WBP2NL: variants seen among roughly 807,000 people sequenced by gnomAD.
WBP2NL encodes postacrosomal sheath WW domain-binding protein.
WBP2NL carries 27 observed loss-of-function variants against 23.3 expected under a neutral mutation model. The ratio of observed to expected loss-of-function variants is 1.16; its 90% confidence interval spans 0.85 to 1.60. WBP2NL has a LOEUF of 1.60. WBP2NL is among the 40% of genes most tolerant of loss of function. WBP2NL has a pLI of 0.00. For missense variants in WBP2NL, 370 were observed against 389.5 expected (o/e 0.95, Z 0.42); for synonymous variants, 151 against 145.9 (o/e 1.03, Z -0.25).
At chr22:42,016,164 A>G (rs1268380315) in intron 1 of WBP2NL, among the ~76,000 whole-genome samples, 2 of 151,964 alleles carry the variant, frequency 1.3e-5, no homozygotes, top group African/African-American at 4.8e-5. Flanking sequence ...CATTTTTAGT[A>G]GAGACGGGGT....
At chr22:42,002,402 G>T (rs912882322) in intron 1 of WBP2NL, among the ~76,000 whole-genome samples, 3 of 152,068 alleles carry the variant, frequency 2.0e-5, no homozygotes, top group African/African-American at 7.2e-5. Flanking sequence ...GGCCAACATG[G>T]TGAAACCCCT....
intron 1 of WBP2NL, among the ~76,000 whole-genome samples, chr22:41,999,436 C>G (rs746681692): frequency 6.6e-6 from 1 of 152,190 alleles, no homozygotes; most frequent in Admixed American, 6.5e-5. Flanking sequence ...CTTTCTAAAG[C>G]CATGTTTCCT....
intron 1 of WBP2NL, among the ~76,000 whole-genome samples, chr22:42,013,939 G>T (rs984324331): frequency 1.3e-5 from 2 of 151,428 alleles, no homozygotes; most frequent in Non-Finnish European, 2.9e-5. Flanking sequence ...CACCACCCAC[G>T]CCTGGCTATT....
intron 1 of WBP2NL, among the ~76,000 whole-genome samples, chr22:42,009,273 C>T (rs1922590098): frequency 6.6e-6 from 1 of 152,222 alleles, no homozygotes. Context: ...GTTGCTGTTT[C>T]ATTCTGGTGA....
intron 1 of WBP2NL, among the ~76,000 whole-genome samples, chr22:42,014,420 T>C (rs960809966): frequency 3.3e-5 from 5 of 152,192 alleles, no homozygotes; most frequent in Non-Finnish European, 7.4e-5. Context: ...AGAGATAGGG[T>C]TTCACCATGT....
chr22:42,006,021 C>T (rs1178933416), intron 1 of WBP2NL, among the ~76,000 whole-genome samples: 1 of 152,194 alleles, frequency 6.6e-6, no homozygotes, highest in Non-Finnish European at 1.5e-5. Context: ...ATGGTAACAT[C>T]TGCTTTGTTT....
At chr22:42,031,267 C>T (rs1039043807), downstream of WBP2NL, 8 of 152,330 alleles carry the variant, frequency 5.3e-5, no homozygotes, top group South Asian at 2.1e-4. Context: ...AGCTTTGTGT[C>T]CTGTATATTC....
chr22:42,055,464 C>A (rs972345355), intron 8 of WBP2NL, among the ~76,000 whole-genome samples: 1 of 152,140 alleles, frequency 6.6e-6, no homozygotes, highest in Non-Finnish European at 1.5e-5. Flanking sequence ...TGTGAGCCAC[C>A]GTGCCTGGCA....
chr22:42,040,525 G>A (rs181649403), intron 8 of WBP2NL, among the ~76,000 whole-genome samples: 2 of 152,208 alleles, frequency 1.3e-5, no homozygotes, highest in Admixed American at 6.5e-5. Context: ...TCGCCTGACC[G>A]AGATCTTTCT....
At position 42,057,901 on chromosome 22, in the gene WBP2NL, A is replaced by ATT. The variant is rs1156692446; in HGVS notation, c.*274-357_*274-356dup. 7.3e-3 allele frequency among the ~76,000 whole-genome samples: 133 copies of ATT among 18,226 alleles called. 23 individuals are homozygous for ATT. Among genetic ancestry groups the ATT allele is most frequent in the East Asian group, 0.015 (3 of 200 alleles). The allele number at this position is 18,226 out of a possible 152,430, so 12.0% of individuals were successfully genotyped here. On this transcript the variant is annotated intron_variant and NMD_transcript_variant, in intron 8 of 8. Coordinates refer to the WBP2NL transcript ENST00000436265. ...TATATATATATATATATATATATAT[A>ATT]TTTTTTTTTTTTTTTTTTTTTTTTT...
At chr22:42,000,346 C>CT (rs1921507441) in intron 1 of WBP2NL, among the ~76,000 whole-genome samples, 1 of 152,212 alleles carries the variant, frequency 6.6e-6, no homozygotes, top group Non-Finnish European at 1.5e-5. Context: ...GCTCACCACT[C>CT]TGACAGTGGT....
intron 1 of WBP2NL, among the ~76,000 whole-genome samples, chr22:42,004,470 T>G (rs1214268783): frequency 6.6e-6 from 1 of 152,144 alleles, no homozygotes; most frequent in African/African-American, 2.4e-5. Flanking sequence ...GGCATGTGCC[T>G]GTAGTCCTAG....
At chr22:42,049,367 G>T (rs1190417537) in intron 8 of WBP2NL, among the ~76,000 whole-genome samples, 1 of 152,062 alleles carries the variant, frequency 6.6e-6, no homozygotes, top group Non-Finnish European at 1.5e-5. Context: ...AGACCTAATT[G>T]TAAAACACTA....
At chr22:42,040,855 T>C (rs1356884388) in intron 8 of WBP2NL, among the ~76,000 whole-genome samples, 2 of 152,254 alleles carry the variant, frequency 1.3e-5, no homozygotes, top group African/African-American at 2.4e-5. Flanking sequence ...ATATGTTCCA[T>C]GTATACTTGA....
Position 42,020,466 on chromosome 22 carries a change from C to T in WBP2NL, c.406+370C>T, listed in dbSNP as rs568549590. On this transcript the variant is annotated intron_variant, in intron 4 of 5. Coordinates refer to ENST00000328823, the MANE Select transcript of WBP2NL (RefSeq NM_152613.3). ...AGCAGGCATTTCCTGGGCCTACCTA[C>T]AATTGTCAAGTACCATGTTACAGGG... Among the ~76,000 whole-genome samples, 4 of 152,234 alleles carry T rather than the reference C, an allele frequency of 2.6e-5. No homozygotes were observed. The East Asian group carries it at 7.7e-4, about 29-fold the overall frequency.
chr22:42,043,281 G>A (rs1439268013), intron 8 of WBP2NL, among the ~76,000 whole-genome samples: 2 of 152,186 alleles, frequency 1.3e-5, no homozygotes, highest in Non-Finnish European at 1.5e-5. Context: ...GACAAGAGGT[G>A]TGGGGGCCTA....
chr22:42,011,321 A>C (rs868621806), intron 1 of WBP2NL, among the ~76,000 whole-genome samples: 5 of 151,980 alleles, frequency 3.3e-5, no homozygotes, highest in Admixed American at 2.0e-4. Context: ...TGACATGATC[A>C]CAGCTTACTG....
chr22:42,016,209 G>C (rs182662575), intron 1 of WBP2NL, among the ~76,000 whole-genome samples: 2 of 151,944 alleles, frequency 1.3e-5, no homozygotes, highest in East Asian at 1.9e-4. Context: ...TTGAACTCCC[G>C]ACCTCTGGTA....
downstream of WBP2NL, among the ~76,000 whole-genome samples, chr22:42,037,308 T>A (rs924978910): frequency 6.6e-6 from 1 of 152,192 alleles, no homozygotes; most frequent in Non-Finnish European, 1.5e-5. Context: ...TTTGTCTGTG[T>A]CTGTTTTTAT....
Sources: gnomAD v4.1 joint callset for allele counts (sites outside exome capture counted in the v4.1 genomes callset) on GRCh38, gnomAD v4.1.1 for gene constraint, MANE v1.5 for transcripts, NCBI Gene and HGNC (gene_info 2026-07-23, HGNC 2026-07-21) for gene names.